NUDT18: variants seen among roughly 807,000 people sequenced by gnomAD.
NUDT18 encodes the protein 8-oxo-dGDP phosphatase NUDT18.
Under a neutral mutation model 27.6 loss-of-function variants are expected in NUDT18, and 26 were observed. That is an observed-to-expected ratio of 0.94 (90% CI 0.69 to 1.31). The LOEUF (loss-of-function observed/expected upper bound fraction) is 1.31, where lower values mean the gene tolerates loss of function less well. Ranked by LOEUF, NUDT18 falls within the 50% of genes most tolerant of loss-of-function variation. The pLI is 0.00. For missense variants in NUDT18, 450 were observed against 433.4 expected (o/e 1.04, Z -0.34); for synonymous variants, 220 against 196.9 (o/e 1.12, Z -0.98).
At chr8:22,107,927 G>T (rs1586359615) in intron 2 of NUDT18, 32 bp from the exon 3 acceptor site, 2 of 1,514,196 alleles carry the variant, frequency 1.3e-6, no homozygotes, top group Non-Finnish European at 1.8e-6. Context: ...GGGCAGGGAG[G>T]GTCTGTGTGG....
Position 22,109,370 on chromosome 8 carries a change from C to G in NUDT18, c.-70G>C. 1 of 1,280,124 alleles carries G rather than the reference C, an allele frequency of 7.8e-7. No individual in the cohort carries two copies. Among genetic ancestry groups the G allele is most frequent in the Non-Finnish European group, 9.9e-7 (1 of 1,014,182 alleles). The allele number at this position is 1,280,124 out of a possible 1,614,324, so 79.3% of individuals were successfully genotyped here. A position where few individuals can be genotyped will look rare whatever the true frequency, so the allele number is the denominator to read the frequency against. On this transcript the variant is annotated 5_prime_UTR_variant, in exon 1 of 3. Transcript: ENST00000611621. ...GAGCCGAGCCGCGGGCTAGAGTGCG[C>G]TGCGGAGCCCGCTCCCAGTCCCTGC...
rs1341304685 is a variant in NUDT18 at position 22,106,990 on chromosome 8, G to A, written c.*310C>T. Reference sequence around the variant, plus strand: ...CAGAATGCAGGCCTTTCCCAAGGACGGCACAGAACGTGATGAGGAGATGCC... The same window carrying A: ...CAGAATGCAGGCCTTTCCCAAGGACAGCACAGAACGTGATGAGGAGATGCC... On this transcript the variant is annotated 3_prime_UTR_variant, in exon 3 of 3. Coordinates refer to ENST00000611621, the MANE Select transcript of NUDT18 (RefSeq NM_024815.4). 1.6e-5 allele frequency: 5 copies of A among 318,142 alleles called. No homozygotes were observed. Among genetic ancestry groups the A allele is most frequent in the Middle Eastern group, 8.9e-4 (1 of 1,118 alleles). The allele number at this position is 318,142 out of a possible 1,614,324, so 19.7% of individuals were successfully genotyped here. A position where few individuals can be genotyped will look rare whatever the true frequency, so the allele number is the denominator to read the frequency against.
rs7844183 is a variant in NUDT18, at chr8:22,109,378, C to G, written c.-78G>C. The G allele has an allele frequency of 1.7e-6, 2 of 1,195,274 alleles. No individual in the cohort carries two copies. The highest frequency in any genetic ancestry group is 2.4e-5 in the South Asian group (1 of 42,468). The allele number at this position is 1,195,274 out of a possible 1,614,324, so 74.0% of individuals were successfully genotyped here. Reference sequence around the variant, plus strand: ...CCGCGGGCTAGAGTGCGCTGCGGAGCCCGCTCCCAGTCCCTGCGGCAGCGG... The same window carrying G: ...CCGCGGGCTAGAGTGCGCTGCGGAGGCCGCTCCCAGTCCCTGCGGCAGCGG... On this transcript the variant is annotated 5_prime_UTR_variant, in exon 1 of 3. Transcript: ENST00000611621.
chr8:22,109,057 G>GCT, intron 1 of NUDT18, 82 bp downstream of exon 1: 1 of 1,101,570 alleles, frequency 9.1e-7, no homozygotes. Flanking sequence ...GGCAGCGCTG[G>GCT]CTGTGGCCGT....
At chr8:22,110,082 G>T (rs2131743075), upstream of NUDT18, among the ~76,000 whole-genome samples, 1 of 151,678 alleles carries the variant, frequency 6.6e-6, no homozygotes, top group African/African-American at 2.4e-5. Context: ...GGGATGGCGG[G>T]AGGGGTCCGG....
Position 22,109,363 on chromosome 8 carries a change from G to T in NUDT18, c.-63C>A. On this transcript the variant is annotated 5_prime_UTR_variant, in exon 1 of 3. Transcript: ENST00000611621. ...ACCGACTGAGCCGAGCCGCGGGCTAGAGTGCGCTGCGGAGCCCGCTCCCAG... is the reference window on the plus strand; with the variant it reads ...ACCGACTGAGCCGAGCCGCGGGCTATAGTGCGCTGCGGAGCCCGCTCCCAG... 1 of 604,216 alleles carries T rather than the reference G, an allele frequency of 1.7e-6. No homozygotes were observed. Among genetic ancestry groups the T allele is most frequent in the Non-Finnish European group, 2.1e-6 (1 of 474,270 alleles). The allele number at this position is 604,216 out of a possible 1,614,324, so 37.4% of individuals were successfully genotyped here.
chr8:22,109,030 G>A (rs1005602352), intron 1 of NUDT18, 109 bp downstream of exon 1: 1 of 848,236 alleles, frequency 1.2e-6, no homozygotes. Context: ...TGCAAAACTG[G>A]GAAGCGCCAC....
chr8:22,108,109 A>G, intron 2 of NUDT18, 24 bp downstream of exon 2: 1 of 1,479,790 alleles, frequency 6.8e-7, no homozygotes, highest in Non-Finnish European at 9.0e-7. Flanking sequence ...GGCCCTGTTC[A>G]CACTGCCTCC....
chr8:22,109,217 C>T lies in NUDT18; in HGVS notation c.84G>A (p.Pro28=). The change falls in exon 1 of 3, where the codon CCG becomes CCA. Residue 28 remains proline, a synonymous_variant. Coordinates refer to ENST00000611621, the MANE Select transcript of NUDT18 (RefSeq NM_024815.4). ...GCACGGGCGCCGGCGGCTCCCCGGCCGGCGCCGAGTCGCAGCTGTGCACGC... is the reference window on the plus strand; with the variant it reads ...GCACGGGCGCCGGCGGCTCCCCGGCTGGCGCCGAGTCGCAGCTGTGCACGC... ...GSSVHSCDSA[P]AGEPPAPVRL... is the part of the protein sequence containing the mutation. 1 of 1,440,510 alleles carries T rather than the reference C, an allele frequency of 6.9e-7. No individual in the cohort carries two copies. The allele number at this position is 1,440,510 out of a possible 1,614,324, so 89.2% of individuals were successfully genotyped here.
intron 1 of NUDT18, 72 bp downstream of exon 1, chr8:22,109,067 T>C: frequency 1.7e-6 from 2 of 1,188,466 alleles, no homozygotes; most frequent in Non-Finnish European, 2.2e-6. Flanking sequence ...GCTGTGGCCG[T>C]TGGGTCTTCT....
upstream of NUDT18, chr8:22,109,423 G>A: frequency 2.5e-6 from 1 of 400,288 alleles, no homozygotes; most frequent in Non-Finnish European, 3.8e-6. Flanking sequence ...TCACGAGAAC[G>A]CGGAAGCGCA....
rs1586358725 is a variant in NUDT18 at position 22,107,294 on chromosome 8, A to G, written c.*6T>C. On this transcript the variant is annotated 3_prime_UTR_variant, in exon 3 of 3. Coordinates refer to ENST00000611621, the MANE Select transcript of NUDT18 (RefSeq NM_024815.4). ...TGCCTAGCTCCCTGTCACCTCCCCCACCTCTCTATCTGTTCACTGGGACAA... is the reference window on the plus strand; with the variant it reads ...TGCCTAGCTCCCTGTCACCTCCCCCGCCTCTCTATCTGTTCACTGGGACAA... 6.3e-7 allele frequency: 1 copy of G among 1,577,784 alleles called. No individual in the cohort carries two copies. Among genetic ancestry groups the G allele is most frequent in the African/African-American group, 1.4e-5 (1 of 73,916 alleles).
At position 22,108,419 on chromosome 8, in the gene NUDT18, C is replaced by G. The variant is rs1027596942; in HGVS notation, c.163-73G>C. 3.6e-6 allele frequency: 5 copies of G among 1,370,186 alleles called. No homozygotes were observed. The African/African-American group carries it at 7.3e-5, about 20-fold the overall frequency. 84.9% of individuals were successfully genotyped at this position (1,370,186 alleles called of 1,614,324 possible). A position where few individuals can be genotyped will look rare whatever the true frequency, so the allele number is the denominator to read the frequency against. On this transcript the variant is annotated intron_variant, in intron 1 of 2. Transcript: ENST00000611621. The stretch of plus-strand genomic sequence containing the variant: ...CCGGGACCAGGGGGCATCTCAAACA[C>G]AGTCGCCCAAGACTCCCCTCTGGGT...
chr8:22,107,337 C>A lies in NUDT18; in HGVS notation c.935G>T (p.Arg312Leu). The change falls in exon 3 of 3, where the codon CGG (arginine) becomes CTG (leucine). Residue 312 changes from arginine to leucine, a missense_variant. Arg to Leu is a moderately radical substitution (Grantham distance 102). Transcript: ENST00000611621. ...EEDLQSQLLQ[R>L]LQGSSVVPVN... Reference sequence around the variant, plus strand: ...TGGGACAACAGAGGATCCCTGAAGCCGCTGGAGGAGCTGGCTTTGCAGGTC... The same window carrying A: ...TGGGACAACAGAGGATCCCTGAAGCAGCTGGAGGAGCTGGCTTTGCAGGTC... The A allele has an allele frequency of 6.2e-7, 1 of 1,611,938 alleles. No homozygotes were observed. The highest frequency in any genetic ancestry group is 8.5e-7 in the Non-Finnish European group (1 of 1,179,046).
At position 22,108,265 on chromosome 8, in the gene NUDT18, C is replaced by T. The variant is rs771909991; in HGVS notation, c.244G>A (p.Glu82Lys). Reference protein sequence around the residue: ...YLPAGRMEPGETIVEALQREV... With the variant: ...YLPAGRMEPGKTIVEALQREV... ...CGCTGCAGCGCCTCCACGATGGTCT[C>T]CCCTGGCTCCATTCTCCCCGCAGGC... The change falls in exon 2 of 3, where the codon GAG (glutamate) becomes AAG (lysine). Residue 82 changes from glutamate (E) to lysine (K), a missense_variant. By Grantham distance (56) the Glu-to-Lys change is moderately conservative. Transcript: ENST00000611621. 1.3e-6 allele frequency: 2 copies of T among 1,597,256 alleles called. No homozygotes were observed. Among genetic ancestry groups the T allele is most frequent in the South Asian group, 1.1e-5 (1 of 88,024 alleles).
At chr8:22,107,952 C>T in intron 2 of NUDT18, 57 bp from the exon 3 acceptor site, 1 of 1,437,834 alleles carries the variant, frequency 7.0e-7, no homozygotes, top group Non-Finnish European at 9.3e-7. Flanking sequence ...AAGTGCAGCT[C>T]TGGCAGAGTC....
At position 22,109,169 on chromosome 8, in the gene NUDT18, G is replaced by T; in HGVS notation, c.132C>A (p.Tyr44Ter). 6.9e-7 allele frequency: 1 copy of T among 1,456,018 alleles called. No homozygotes were observed. Among genetic ancestry groups the T allele is most frequent in the South Asian group, 1.3e-5 (1 of 75,568 alleles). 90.2% of individuals were successfully genotyped at this position (1,456,018 alleles called of 1,614,324 possible). A position where few individuals can be genotyped will look rare whatever the true frequency, so the allele number is the denominator to read the frequency against. Residue 44 changes from tyrosine (Y) to a stop codon, truncating the protein, a stop_gained, in exon 1 of 3, where the codon TAC (tyrosine) becomes TAA (stop). Transcript: ENST00000611621. LOFTEE classifies it high-confidence loss of function. ...CGCTGAGGAACACGGCCAGCACCAC[G>T]TAGCACACGTTCTTCCGCAGCCGCA... The part of the protein sequence containing the change: ...APVRLRKNVC[Y>*]VVLAVFLSEQ...
At position 22,107,678 on chromosome 8, in the gene NUDT18, G is replaced by A. The variant is rs569686083; in HGVS notation, c.594C>T (p.Ser198=). The change falls in exon 3 of 3, where the codon AGC becomes AGT. Residue 198 remains serine (S), a synonymous_variant. Coordinates refer to ENST00000611621, the MANE Select transcript of NUDT18 (RefSeq NM_024815.4). ...VCQRLVATFT[S]AQTVWVLVGT... ...CCACTAACACCCACACTGTCTGGGC[G>A]CTGGTAAAGGTAGCCACGAGCCGCT... 20 of 1,612,640 alleles carry A rather than the reference G, an allele frequency of 1.2e-5. No individual in the cohort carries two copies. The highest frequency in any genetic ancestry group is 9.3e-5 in the African/African-American group (7 of 75,032).
Position 22,107,746 on chromosome 8 carries a change from G to A in NUDT18, c.526C>T (p.Pro176Ser). Reference sequence around the variant, plus strand: ...GGTAGCTCTTGGGGCAGAATGAGAGGGTGCCTGGCTTGCTGGCGATACTGG... The same window carrying A: ...GGTAGCTCTTGGGGCAGAATGAGAGAGTGCCTGGCTTGCTGGCGATACTGG... ...AAQYRQQARH[P>S]LILPQELPCD... is the part of the protein sequence containing the mutation. The change falls in exon 3 of 3, where the codon CCT becomes TCT. Residue 176 changes from proline to serine, a missense_variant. Coordinates refer to ENST00000611621, the MANE Select transcript of NUDT18 (RefSeq NM_024815.4). 1 of 1,613,654 alleles carries A rather than the reference G, an allele frequency of 6.2e-7. No homozygotes were observed. The highest frequency in any genetic ancestry group is 8.5e-7 in the Non-Finnish European group (1 of 1,179,856).
Sources: allele counts gnomAD v4.1 joint callset (sites outside exome capture counted in the v4.1 genomes callset), GRCh38; gene constraint gnomAD v4.1.1; transcripts MANE v1.5; gene names NCBI Gene and HGNC (gene_info 2026-07-23, HGNC 2026-07-21).